MFSD6: variants seen among roughly 807,000 people sequenced by gnomAD.
The protein encoded by MFSD6 is major facilitator superfamily domain containing 6.
Under a neutral mutation model 56.3 loss-of-function variants are expected in MFSD6, and 26 were observed. The observed-to-expected ratio is 0.46, with a 90% confidence interval of 0.34 to 0.64. The LOEUF (loss-of-function observed/expected upper bound fraction) is 0.64, where lower values mean the gene tolerates loss of function less well. Among genes scored for constraint, MFSD6 ranks in the 30% least tolerant of loss-of-function variants. The pLI is 0.01. For missense variants in MFSD6, 750 were observed against 986.2 expected (o/e 0.76, Z 3.21); for synonymous variants, 331 against 366.9 (o/e 0.90, Z 1.12).
intron 1 of MFSD6, chr2:190,411,241 C>T (rs1174432830): frequency 3.3e-6 from 2 of 604,222 alleles, no homozygotes; most frequent in Non-Finnish European, 4.1e-6. Context: ...CCTACTGCAA[C>T]CTCTGCCTCC....
At position 190,458,426 on chromosome 2, in the gene MFSD6, C is replaced by G. The variant is rs1574148340; in HGVS notation, c.1533-11332C>G. ...TTGTCTGCAAGCCAACGAGAGGGGC[C>G]CTGGAGAAACCAACATTGCCAACAC... On this transcript the variant is annotated intron_variant, in intron 3 of 7. Coordinates refer to ENST00000392328, the MANE Select transcript of MFSD6 (RefSeq NM_017694.4). The surrounding 1 kb of genome is among the most constrained non-coding windows in gnomAD (Gnocchi z 5.3). Among the ~76,000 whole-genome samples, 1 of 151,688 alleles carries G rather than the reference C, an allele frequency of 6.6e-6. No individual in the cohort carries two copies. Among genetic ancestry groups the G allele is most frequent in the African/African-American group, 2.4e-5 (1 of 41,292 alleles).
At chr2:190,411,229 G>C (rs1216927969) in intron 1 of MFSD6, 31 of 691,734 alleles carry the variant, frequency 4.5e-5, no homozygotes, top group Non-Finnish European at 5.1e-5. Context: ...GCTCGATCTC[G>C]GCCTACTGCA....
rs59001642 is a variant in MFSD6, at chr2:190,417,965, G to GGTGTGTGTGT, written c.-54+2579_-54+2588dup. On this transcript the variant is annotated intron_variant, in intron 2 of 7. Transcript: ENST00000392328. The surrounding 1 kb of genome is among the most constrained non-coding windows in gnomAD (Gnocchi z 5.7). Reference sequence around the variant, plus strand: ...CTGACTTTTCATTTAACCCTTTAGTGGTGTGTGTGTGTGTGTGTGTGTGTG... The same window carrying GGTGTGTGTGT: ...CTGACTTTTCATTTAACCCTTTAGTGGTGTGTGTGTGTGTGTGTGTGTGTGTGTGTGTGTG... 0.024 allele frequency among the ~76,000 whole-genome samples: 3,500 copies of GGTGTGTGTGT among 144,646 alleles called. 51 individuals are homozygous for GGTGTGTGTGT. Among genetic ancestry groups the GGTGTGTGTGT allele is most frequent in the Admixed American group, 0.033 (472 of 14,480 alleles). The allele number at this position is 144,646 out of a possible 152,430, so 94.9% of individuals were successfully genotyped here. A position where few individuals can be genotyped will look rare whatever the true frequency, so the allele number is the denominator to read the frequency against.
At chr2:190,428,650 CTTGCTTAT>C (rs59739066) in intron 2 of MFSD6, among the ~76,000 whole-genome samples, 58,094 of 131,144 alleles carry the variant, frequency 0.44, 12,495 homozygotes, top group African/African-American at 0.59. Flanking sequence ...TTTAGAGATG[CTTGCTTAT>C]TTATTTATTT....
chr2:190,438,781 CAA>C lies in MFSD6; in HGVS notation c.1532+1221_1532+1222del. Among the ~76,000 whole-genome samples, 1 of 152,196 alleles carries C rather than the reference CAA, an allele frequency of 6.6e-6. No homozygotes were observed. The highest frequency in any genetic ancestry group is 1.9e-4 in the East Asian group (1 of 5,200). On this transcript the variant is annotated intron_variant, in intron 3 of 7. Transcript: ENST00000392328. This position sits in a 1 kb window ranked among gnomAD's most constrained non-coding sequence, Gnocchi z 5.2. ...TAAGAAATTAAAGAGGAGAAATAGA[CAA>C]TGACAAGATTTGACAATCCTTTATT...
chr2:190,481,586 T>A (rs1167173513), intron 4 of MFSD6, among the ~76,000 whole-genome samples: 1 of 152,232 alleles, frequency 6.6e-6, no homozygotes, highest in East Asian at 1.9e-4. Context: ...AGATAAATCC[T>A]GCCCCCTTTC....
Position 190,415,700 on chromosome 2 carries a change from A to G in MFSD6, c.-54+287A>G, listed in dbSNP as rs1690746800. On this transcript the variant is annotated intron_variant, in intron 2 of 7. Transcript: ENST00000392328. This position sits in a 1 kb window ranked among gnomAD's most constrained non-coding sequence, Gnocchi z 4.5. ...AAAATAAAACAATTTTAGATTACAT[A>G]TATGGGAAGGTACTAAGGATATAAA... Among the ~76,000 whole-genome samples the G allele has an allele frequency of 6.6e-6, 1 of 152,218 alleles. No homozygotes were observed. The highest frequency in any genetic ancestry group is 1.5e-5 in the Non-Finnish European group (1 of 68,046).
At chr2:190,475,909 A>T (rs1053791680) in intron 4 of MFSD6, among the ~76,000 whole-genome samples, 3 of 152,150 alleles carry the variant, frequency 2.0e-5, no homozygotes, top group African/African-American at 7.2e-5. Flanking sequence ...ATAATGCCAC[A>T]TATCTACAAC....
chr2:190,468,868 C>T (rs1687751890), intron 3 of MFSD6, among the ~76,000 whole-genome samples: 1 of 152,002 alleles, frequency 6.6e-6, no homozygotes, highest in African/African-American at 2.4e-5. Context: ...GAAAACAGAG[C>T]ATTAAGGTTA....
intron 1 of MFSD6, among the ~76,000 whole-genome samples, chr2:190,414,060 G>C (rs746505848): frequency 6.6e-5 from 10 of 152,114 alleles, no homozygotes; most frequent in Non-Finnish European, 1.0e-4. Flanking sequence ...ATCATACAAA[G>C]TGACATGCAT....
rs1279076813 is a variant in MFSD6 at position 190,490,570 on chromosome 2, A to G, written c.1891+704A>G. Reference sequence around the variant, plus strand: ...CGAGCAAGACTCCCTCTCAAAAAAAAAACAAAAAACAAAGACAAAAATGTC... The same window carrying G: ...CGAGCAAGACTCCCTCTCAAAAAAAGAACAAAAAACAAAGACAAAAATGTC... On this transcript the variant is annotated intron_variant, in intron 6 of 7. Transcript: ENST00000392328. This position sits in a 1 kb window ranked among gnomAD's most constrained non-coding sequence, Gnocchi z 4.5. Among the ~76,000 whole-genome samples the G allele has an allele frequency of 6.6e-6, 1 of 152,074 alleles. No homozygotes were observed. The highest frequency in any genetic ancestry group is 6.6e-5 in the Admixed American group (1 of 15,258).
chr2:190,460,620 G>A (rs1687276589), intron 3 of MFSD6, among the ~76,000 whole-genome samples: 1 of 152,240 alleles, frequency 6.6e-6, no homozygotes, highest in Non-Finnish European at 1.5e-5. Flanking sequence ...CATGCAGAAT[G>A]CAGTCAGGTT....
chr2:190,460,081 ACTCT>A (rs1687243548), intron 3 of MFSD6, among the ~76,000 whole-genome samples: 1 of 151,962 alleles, frequency 6.6e-6, no homozygotes, highest in Non-Finnish European at 1.5e-5. Flanking sequence ...CCTAGCTCTT[ACTCT>A]TCTGGTGAGA....
In MFSD6 at chr2:190,473,459, T is replaced by A. The variant is rs1302072091; in HGVS notation, c.1630+3604T>A. Among the ~76,000 whole-genome samples the A allele has an allele frequency of 2.0e-5, 3 of 151,730 alleles. No homozygotes were observed. The East Asian group carries it at 5.8e-4, about 29-fold the overall frequency. ...ATCCTGGTCTCTGATAAAACAAACATCAGAAGAGACAAAGAAGGCCATTAC... is the reference window on the plus strand; with the variant it reads ...ATCCTGGTCTCTGATAAAACAAACAACAGAAGAGACAAAGAAGGCCATTAC... On this transcript the variant is annotated intron_variant, in intron 4 of 7. Coordinates refer to ENST00000392328, the MANE Select transcript of MFSD6 (RefSeq NM_017694.4).
chr2:190,411,512 C>T (rs1690566287), intron 1 of MFSD6: 1 of 985,178 alleles, frequency 1.0e-6, no homozygotes, highest in Non-Finnish European at 1.2e-6. Context: ...GATGTTTTTG[C>T]TTTTTACCTT....
In MFSD6 at chr2:190,436,734, C is replaced by G; in HGVS notation, c.705C>G (p.Asn235Lys). ...TLQPQTGEITNRMMDLTLNSS... is the reference protein window; with the variant it reads ...TLQPQTGEITKRMMDLTLNSS... ...AGCCCCAGACAGGTGAAATTACTAA[C>G]CGTATGATGGACTTGACTTTGAACT... The change falls in exon 3 of 8, where the codon AAC becomes AAG. Residue 235 changes from asparagine (N) to lysine (K), a missense_variant. Physicochemically the swap from Asn to Lys is moderately conservative, Grantham distance 94. Coordinates refer to ENST00000392328, the MANE Select transcript of MFSD6 (RefSeq NM_017694.4). The surrounding 1 kb of genome is among the most constrained non-coding windows in gnomAD (Gnocchi z 5.3). 6.2e-7 allele frequency: 1 copy of G among 1,614,200 alleles called. No homozygotes were observed. The highest frequency in any genetic ancestry group is 8.5e-7 in the Non-Finnish European group (1 of 1,180,044).
chr2:190,451,818 A>G lies in MFSD6; in HGVS notation c.1532+14257A>G, dbSNP rs1686783468. On this transcript the variant is annotated intron_variant, in intron 3 of 7. Transcript: ENST00000392328. This position sits in a 1 kb window ranked among gnomAD's most constrained non-coding sequence, Gnocchi z 5.0. Reference sequence around the variant, plus strand: ...CTTGAGCATCATACTAAGAATTGGAATGTTTTTCTAAGAGAAGCTGAGTTT... The same window carrying G: ...CTTGAGCATCATACTAAGAATTGGAGTGTTTTTCTAAGAGAAGCTGAGTTT... Among the ~76,000 whole-genome samples the G allele has an allele frequency of 6.6e-6, 1 of 152,232 alleles. No individual in the cohort carries two copies.
rs1686215132 is a variant in MFSD6 at position 190,437,352 on chromosome 2, G to T, written c.1323G>T (p.Leu441=). ...QAFNFWDLIK[L]LCSVQYGSVL... ...TCAACTTTTGGGACTTAATCAAGCT[G>T]CTCTGCAGCGTGCAGTATGGCTCAG... The change falls in exon 3 of 8, where the codon CTG becomes CTT. Residue 441 remains leucine, a synonymous_variant. Coordinates refer to ENST00000392328, the MANE Select transcript of MFSD6 (RefSeq NM_017694.4). The surrounding 1 kb of genome is among the most constrained non-coding windows in gnomAD (Gnocchi z 5.9). The T allele has an allele frequency of 1.2e-6, 2 of 1,614,110 alleles. No individual in the cohort carries two copies. The highest frequency in any genetic ancestry group is 2.7e-5 in the African/African-American group (2 of 74,934).
chr2:190,412,290 T>C lies in MFSD6; in HGVS notation c.-175-3002T>C, dbSNP rs2124979164. 1.0e-6 allele frequency: 1 copy of C among 983,798 alleles called. No individual in the cohort carries two copies. Among genetic ancestry groups the C allele is most frequent in the African/African-American group, 1.7e-5 (1 of 57,324 alleles). 60.9% of individuals were successfully genotyped at this position (983,798 alleles called of 1,614,324 possible). ...TTATCATTGTGGTAGTAGGTAATCT[T>C]GAGAAAGAGGGAATTGTAAAAGTAT... On this transcript the variant is annotated intron_variant, in intron 1 of 7. Transcript: ENST00000392328. The surrounding 1 kb of genome is among the most constrained non-coding windows in gnomAD (Gnocchi z 4.1).
Sources: gnomAD v4.1 joint callset for allele counts (sites outside exome capture counted in the v4.1 genomes callset) on GRCh38, gnomAD v4.1.1 for gene constraint, Gnocchi (gnomAD v3.1) non-coding constraint, MANE v1.5 for transcripts, NCBI Gene and HGNC (gene_info 2026-07-23, HGNC 2026-07-21) for gene names.